The following TNRC6B variants were observed in gnomAD, a reference collection of about 807,000 sequenced individuals.
TNRC6B encodes the protein trinucleotide repeat containing adaptor 6B.
In TNRC6B, 52 loss-of-function variants were observed where a neutral mutation model predicts 203.6. The ratio of observed to expected loss-of-function variants is 0.26; its 90% CI spans 0.20 to 0.32. TNRC6B has a LOEUF of 0.32. TNRC6B is among the 10% of genes least tolerant of loss of function. TNRC6B has a pLI of 1.00. For synonymous variants in TNRC6B, 838 were observed against 845.7 expected (o/e 0.99, Z 0.16); for missense variants, 1,923 against 2,286.2 (o/e 0.84, Z 3.24).
chr22:40,129,970 G>A (rs1205020392), intron 3 of TNRC6B, among the ~76,000 whole-genome samples: 1 of 152,080 alleles, frequency 6.6e-6, no homozygotes, highest in African/African-American at 2.4e-5. Context: ...TGGAGTAGGA[G>A]GTGCAGAAAC....
chr22:40,255,501 C>A (rs1465305749), intron 3 of TNRC6B, among the ~76,000 whole-genome samples: 1 of 152,232 alleles, frequency 6.6e-6, no homozygotes, highest in Non-Finnish European at 1.5e-5. Flanking sequence ...GCACCCCTCA[C>A]ACCTTGTAGA....
intron 1 of TNRC6B, among the ~76,000 whole-genome samples, chr22:40,085,839 TTGTTGTTGC>T (rs2068095493): frequency 7.1e-6 from 1 of 141,468 alleles, no homozygotes; most frequent in Non-Finnish European, 1.5e-5. Context: ...GAAACTATTT[TTGTTGTTGC>T]TGTTGTTGTT....
intron 1 of TNRC6B, among the ~76,000 whole-genome samples, chr22:40,111,315 C>T (rs2068332872): frequency 6.6e-6 from 1 of 151,752 alleles, no homozygotes; most frequent in Non-Finnish European, 1.5e-5. Flanking sequence ...GGGACCAGGC[C>T]TCGCCGACCG....
intron 1 of TNRC6B, among the ~76,000 whole-genome samples, chr22:40,195,054 C>T (rs2069319366): frequency 6.6e-6 from 1 of 152,204 alleles, no homozygotes; most frequent in Admixed American, 6.5e-5. Flanking sequence ...ATGACACATG[C>T]AGACAGCTTT....
chr22:40,258,521 A>T (rs899571353), intron 3 of TNRC6B, among the ~76,000 whole-genome samples: 5 of 152,214 alleles, frequency 3.3e-5, no homozygotes, highest in African/African-American at 9.6e-5. Flanking sequence ...GAATTCATTC[A>T]GGTGCTGAAA....
chr22:40,105,640 G>A (rs898035397), intron 1 of TNRC6B, among the ~76,000 whole-genome samples: 2 of 152,110 alleles, frequency 1.3e-5, no homozygotes, highest in African/African-American at 4.8e-5. Flanking sequence ...TTTTTGTGCT[G>A]TATGACATTC....
Position 40,279,395 on chromosome 22 carries a change from C to T in TNRC6B, c.3263-600C>T, listed in dbSNP as rs575390646. Among the ~76,000 whole-genome samples the T allele has an allele frequency of 5.6e-4, 86 of 152,276 alleles. 1 individual carries two copies. Among genetic ancestry groups the T allele is most frequent in the Non-Finnish European group, 9.3e-4 (63 of 68,030 alleles). ...GGGCAGCACTGGTTATATCAGCAGACGACAGCACATTTATAGAGTTGTGAA... is the reference window on the plus strand; with the variant it reads ...GGGCAGCACTGGTTATATCAGCAGATGACAGCACATTTATAGAGTTGTGAA... On this transcript the variant is annotated intron_variant, in intron 9 of 22. Transcript: ENST00000454349.
intron 1 of TNRC6B, among the ~76,000 whole-genome samples, chr22:40,209,585 A>G (rs1182601617): frequency 6.6e-6 from 1 of 152,222 alleles, no homozygotes; most frequent in Non-Finnish European, 1.5e-5. Flanking sequence ...CTGCCATGGC[A>G]TGCATAAGAA....
chr22:40,069,829 A>G (rs1446186660), intron 1 of TNRC6B, among the ~76,000 whole-genome samples: 1 of 152,128 alleles, frequency 6.6e-6, no homozygotes, highest in Non-Finnish European at 1.5e-5. Context: ...GTTCTTTTCT[A>G]TACCACACAT....
At chr22:40,149,971 A>T (rs544364722) in intron 3 of TNRC6B, among the ~76,000 whole-genome samples, 1 of 126,890 alleles carries the variant, frequency 7.9e-6, no homozygotes, top group African/African-American at 3.5e-5. Flanking sequence ...GTATAAAATA[A>T]TTTTTTTTAA....
chr22:40,211,489 C>T (rs2069562572), intron 1 of TNRC6B, among the ~76,000 whole-genome samples: 1 of 152,110 alleles, frequency 6.6e-6, no homozygotes, highest in African/African-American at 2.4e-5. Flanking sequence ...GTAGCTGATA[C>T]GTGGTGCTTT....
chr22:40,320,465 G>A (rs1214248485), intron 21 of TNRC6B, among the ~76,000 whole-genome samples: 1 of 152,202 alleles, frequency 6.6e-6, no homozygotes, highest in East Asian at 1.9e-4. Context: ...GGGCAACAGA[G>A]CAAGGCTCTG....
At chr22:40,317,583 T>TA (rs375486025) in intron 21 of TNRC6B, among the ~76,000 whole-genome samples, 204 of 151,724 alleles carry the variant, frequency 1.3e-3, no homozygotes, top group African/African-American at 4.8e-3. Flanking sequence ...TCTGAAAAAA[T>TA]AAAAAAAAGC....
chr22:40,316,986 T>TA (rs1395067108), intron 21 of TNRC6B, among the ~76,000 whole-genome samples: 1 of 152,188 alleles, frequency 6.6e-6, no homozygotes, highest in African/African-American at 2.4e-5. Flanking sequence ...CGATTTGCTA[T>TA]ACAAATGTGC....
intron 1 of TNRC6B, among the ~76,000 whole-genome samples, chr22:40,060,064 T>G (rs1221210843): frequency 6.6e-6 from 1 of 151,340 alleles, no homozygotes; most frequent in East Asian, 1.9e-4. Context: ...CCTGGCCTCG[T>G]GTGATCCACC....
At chr22:40,322,374 CTG>C (rs1865627404) in intron 22 of TNRC6B, among the ~76,000 whole-genome samples, 1 of 152,168 alleles carries the variant, frequency 6.6e-6, no homozygotes, top group African/African-American at 2.4e-5. Context: ...CACCAAAAGT[CTG>C]TAGTTTACAT....
At position 40,133,970 on chromosome 22, in the gene TNRC6B, C is replaced by CAA. The variant is rs57924620; in HGVS notation, c.45+8134_45+8135dup. Among the ~76,000 whole-genome samples the CAA allele has an allele frequency of 6.3e-3, 288 of 45,974 alleles. 23 individuals carry two copies. Among genetic ancestry groups the CAA allele is most frequent in the Non-Finnish European group, 8.8e-3 (229 of 26,058 alleles). 30.2% of individuals were successfully genotyped at this position (45,974 alleles called of 152,430 possible). A position where few individuals can be genotyped will look rare whatever the true frequency, so the allele number is the denominator to read the frequency against. ...GGGCAACAAGAGCAAAGCTCCGTCTCAAAAAAAAAAAAAAAAAAAAAAAAA... is the reference window on the plus strand; with the variant it reads ...GGGCAACAAGAGCAAAGCTCCGTCTCAAAAAAAAAAAAAAAAAAAAAAAAAAA... On this transcript the variant is annotated intron_variant, in intron 3 of 23. Coordinates refer to the TNRC6B transcript ENST00000301923.
intron 21 of TNRC6B, among the ~76,000 whole-genome samples, chr22:40,316,355 AAAAAAAAAAC>A (rs1449101859): frequency 2.0e-5 from 3 of 150,242 alleles, no homozygotes; most frequent in African/African-American, 2.4e-5. Context: ...CTCCATCTCA[AAAAAAAAAAC>A]AAAAAAAAAA....
chr22:40,131,087 T>C (rs2068540221), intron 3 of TNRC6B, among the ~76,000 whole-genome samples: 1 of 151,422 alleles, frequency 6.6e-6, no homozygotes, highest in Non-Finnish European at 1.5e-5. Context: ...GCCCAGATAA[T>C]TTTTTGTATT....
Sources: allele counts gnomAD v4.1 joint callset (sites outside exome capture counted in the v4.1 genomes callset), GRCh38; gene constraint gnomAD v4.1.1; transcripts MANE v1.5; gene names NCBI Gene and HGNC (gene_info 2026-07-23, HGNC 2026-07-21).